NEK10: variants seen among roughly 807,000 people sequenced by gnomAD.
The protein encoded by NEK10 is serine/threonine-protein kinase Nek10.
Under a neutral mutation model 159.8 loss-of-function variants are expected in NEK10, and 122 were observed. The ratio of observed to expected loss-of-function variants is 0.76; its 90% confidence interval spans 0.66 to 0.89. The LOEUF (loss-of-function observed/expected upper bound fraction) is 0.89, where lower values mean the gene tolerates loss of function less well. Among genes scored for constraint, NEK10 ranks in the 40% least tolerant of loss-of-function variants. The probability of loss-of-function intolerance (pLI) is 0.00; values close to 1 mark genes in which losing one functional copy is unlikely to be tolerated. For missense variants in NEK10, 1,342 were observed against 1,323.1 expected (o/e 1.01, Z -0.22); for synonymous variants, 466 against 457.1 (o/e 1.02, Z -0.25).
At chr3:27,262,021 T>C (rs1222161318) in intron 22 of NEK10, among the ~76,000 whole-genome samples, 2 of 152,224 alleles carry the variant, frequency 1.3e-5, no homozygotes, top group Non-Finnish European at 2.9e-5. Context: ...TTAAAGTCTG[T>C]TTTATCAGAG....
chr3:27,210,865 C>A (rs905930689), intron 23 of NEK10, among the ~76,000 whole-genome samples: 1 of 152,162 alleles, frequency 6.6e-6, no homozygotes, highest in Non-Finnish European at 1.5e-5. Flanking sequence ...AGACACTCCA[C>A]CTGGAAGAGT....
intron 29 of NEK10, among the ~76,000 whole-genome samples, chr3:27,164,131 C>A (rs1488235564): frequency 6.6e-6 from 1 of 152,078 alleles, no homozygotes. Context: ...ATGGAACCTG[C>A]CAGCCTTTAA....
chr3:27,221,269 T>C (rs965414974), intron 23 of NEK10, among the ~76,000 whole-genome samples: 2 of 152,204 alleles, frequency 1.3e-5, no homozygotes, highest in Admixed American at 1.3e-4. Flanking sequence ...CTGATACATA[T>C]CTGCTTTCCA....
chr3:27,312,491 TATAAG>T (rs2044778551), intron 7 of NEK10, among the ~76,000 whole-genome samples: 1 of 152,234 alleles, frequency 6.6e-6, no homozygotes, highest in Non-Finnish European at 1.5e-5. Flanking sequence ...ACAAGATACA[TATAAG>T]ATACATAATA....
intron 23 of NEK10, chr3:27,206,684 A>G: frequency 1.1e-6 from 1 of 947,884 alleles, no homozygotes; most frequent in South Asian, 4.9e-5. Context: ...ACAGAGATGA[A>G]GGCTCTGTTA....
intron 23 of NEK10, chr3:27,255,286 G>T (rs1368503441): frequency 2.3e-6 from 1 of 435,034 alleles, no homozygotes; most frequent in Admixed American, 2.5e-5. Context: ...CAGTTTCTTT[G>T]CATCTTCTCA....
intron 26 of NEK10, among the ~76,000 whole-genome samples, chr3:27,188,726 T>C (rs894234579): frequency 2.0e-5 from 3 of 152,218 alleles, no homozygotes; most frequent in African/African-American, 4.8e-5. Flanking sequence ...TTTTCACCCA[T>C]TTAAATGTTA....
intron 23 of NEK10, among the ~76,000 whole-genome samples, chr3:27,237,209 G>C (rs963196415): frequency 6.6e-6 from 1 of 152,072 alleles, no homozygotes; most frequent in Admixed American, 6.6e-5. Flanking sequence ...TAAAATTGCT[G>C]TTATTGTATT....
intron 26 of NEK10, among the ~76,000 whole-genome samples, chr3:27,188,844 T>C (rs891354277): frequency 4.6e-5 from 7 of 152,188 alleles, no homozygotes; most frequent in African/African-American, 1.7e-4. Context: ...ACTATTGTAT[T>C]TGTTGGAAAA....
chr3:27,341,028 A>C (rs750014103), intron 5 of NEK10, among the ~76,000 whole-genome samples: 31 of 152,206 alleles, frequency 2.0e-4, no homozygotes, highest in Admixed American at 4.6e-4. Context: ...AAAAAAGAAA[A>C]AAATCACATC....
At chr3:27,255,241 A>G in intron 23 of NEK10, 1 of 410,546 alleles carries the variant, frequency 2.4e-6, no homozygotes, top group Non-Finnish European at 4.9e-6. Flanking sequence ...ACATCATATA[A>G]GCTTGCAGCT....
At chr3:27,229,498 C>A (rs115306285) in intron 23 of NEK10, among the ~76,000 whole-genome samples, 1 of 151,992 alleles carries the variant, frequency 6.6e-6, no homozygotes, top group African/African-American at 2.4e-5. Flanking sequence ...ACGAGTTCCA[C>A]ATTAATGAAT....
chr3:27,165,747 C>T (rs1946415014), intron 29 of NEK10, among the ~76,000 whole-genome samples: 2 of 152,104 alleles, frequency 1.3e-5, no homozygotes, highest in South Asian at 4.2e-4. Flanking sequence ...CTACAATTTC[C>T]ACCCCAAAAC....
rs1432115454 is a variant in NEK10 at position 27,249,308 on chromosome 3, T to C, written c.2090+6988A>G. 6.6e-5 allele frequency among the ~76,000 whole-genome samples: 10 copies of C among 152,344 alleles called. No individual in the cohort carries two copies. The East Asian group carries it at 1.7e-3, about 26-fold the overall frequency. ...AGTTACCCAGTCTCAGGTAGTTCTT[T>C]ATAGCAGTTTGAAAACAGACTAATA... On this transcript the variant is annotated intron_variant, in intron 23 of 35. Coordinates refer to ENST00000691995, the MANE Select transcript of NEK10 (RefSeq NM_001394966.1).
intron 1 of NEK10, among the ~76,000 whole-genome samples, chr3:27,361,821 C>T (rs575835326): frequency 6.6e-6 from 1 of 152,132 alleles, no homozygotes; most frequent in African/African-American, 2.4e-5. Flanking sequence ...AATTGAATTT[C>T]ATCTAATAAC....
chr3:27,340,437 A>G (rs1313697653), intron 5 of NEK10, among the ~76,000 whole-genome samples: 1 of 152,144 alleles, frequency 6.6e-6, no homozygotes. Context: ...CAACGGGTGG[A>G]TAGGTGCAGC....
intron 4 of NEK10, among the ~76,000 whole-genome samples, 197 bp from the exon 5 acceptor site, chr3:27,344,567 A>C (rs923818708): frequency 1.3e-5 from 2 of 152,242 alleles, no homozygotes; most frequent in South Asian, 2.1e-4. Context: ...TGTTAAAATA[A>C]GAAGTAGAAA....
chr3:27,181,646 C>T (rs1041674386), intron 26 of NEK10, among the ~76,000 whole-genome samples: 1 of 152,180 alleles, frequency 6.6e-6, no homozygotes, highest in African/African-American at 2.4e-5. Flanking sequence ...GCCTGTCTCC[C>T]TGTGTCTACA....
intron 31 of NEK10, among the ~76,000 whole-genome samples, chr3:27,138,784 A>G (rs1943482878): frequency 6.6e-6 from 1 of 152,214 alleles, no homozygotes. Context: ...GGATGCTAGT[A>G]ATCCATGGCA....
Sources: gnomAD v4.1 joint callset for allele counts (sites outside exome capture counted in the v4.1 genomes callset) on GRCh38, gnomAD v4.1.1 for gene constraint, MANE v1.5 for transcripts, NCBI Gene and HGNC (gene_info 2026-07-23, HGNC 2026-07-21) for gene names.